The following UFD1 variants were observed in gnomAD, a reference collection of about 807,000 sequenced individuals.
UFD1 encodes the protein ubiquitin recognition factor in ER-associated degradation protein 1.
UFD1 carries 13 observed loss-of-function variants against 45.9 expected under a neutral mutation model. The ratio of observed to expected loss-of-function variants is 0.28; its 90% CI spans 0.18 to 0.45. The LOEUF (loss-of-function observed/expected upper bound fraction) is 0.45, where lower values mean the gene tolerates loss of function less well. Ranked by LOEUF, UFD1 falls within the 20% of genes least tolerant of loss-of-function variation. The pLI is 1.00. For synonymous variants in UFD1, 128 were observed against 139.2 expected, an observed-to-expected ratio of 0.92 and a Z score of 0.56; for missense variants, 218 against 389.2, an observed-to-expected ratio of 0.56 and a Z score of 3.70.
chr22:19,461,117 G>GT (rs2089763396), intron 6 of UFD1, among the ~76,000 whole-genome samples: 1 of 152,194 alleles, frequency 6.6e-6, no homozygotes, highest in Non-Finnish European at 1.5e-5. Flanking sequence ...GCGGAATGTA[G>GT]TATTTGTCTG....
intron 9 of UFD1, 127 bp from the exon 10 acceptor site, chr22:19,455,895 ACTC>A (rs201544065): frequency 0.021 from 15,985 of 756,340 alleles, 235 homozygotes; most frequent in Middle Eastern, 0.045. Flanking sequence ...TGAAGCCCTG[ACTC>A]CTCAACTGCT....
intron 2 of UFD1, 137 bp from the exon 3 acceptor site, chr22:19,475,237 A>G: frequency 9.1e-7 from 1 of 1,102,582 alleles, no homozygotes; most frequent in Non-Finnish European, 1.3e-6. Context: ...GTGATCTTTC[A>G]TGAAGAATCT....
intron 4 of UFD1, chr22:19,470,888 G>T (rs2089839821): frequency 6.6e-6 from 3 of 452,818 alleles, no homozygotes; most frequent in Middle Eastern, 6.5e-4. Flanking sequence ...AAGCACTCCT[G>T]AGAGTTTCCA....
At chr22:19,463,561 G>A (rs769395940) in intron 6 of UFD1, among the ~76,000 whole-genome samples, 25 of 152,172 alleles carry the variant, frequency 1.6e-4, no homozygotes, top group African/African-American at 5.3e-4. Flanking sequence ...TCCCAAAGAC[G>A]TAACTAAACT....
chr22:19,454,413 CT>C, intron 11 of UFD1: 1 of 756,986 alleles, frequency 1.3e-6, no homozygotes, highest in Non-Finnish European at 1.7e-6. Flanking sequence ...GAGGGCGGGT[CT>C]TTTCCGTGCT....
At chr22:19,477,929 C>T (rs964404431) in intron 1 of UFD1, among the ~76,000 whole-genome samples, 3 of 152,190 alleles carry the variant, frequency 2.0e-5, no homozygotes, top group Non-Finnish European at 2.9e-5. Context: ...TTCTTTTAAG[C>T]AGCATAACTG....
chr22:19,472,766 G>T (rs1259452362), intron 3 of UFD1, among the ~76,000 whole-genome samples: 1 of 152,204 alleles, frequency 6.6e-6, no homozygotes, highest in Non-Finnish European at 1.5e-5. Flanking sequence ...AGGCCCACAG[G>T]TTAAGTAACA....
chr22:19,458,711 G>C (rs1378209004), intron 6 of UFD1, among the ~76,000 whole-genome samples: 3 of 152,144 alleles, frequency 2.0e-5, no homozygotes, highest in Non-Finnish European at 4.4e-5. Context: ...ACAAAGAACT[G>C]GGATTACAGA....
intron 11 of UFD1, 129 bp downstream of exon 11, chr22:19,454,620 G>T: frequency 6.5e-7 from 1 of 1,545,340 alleles, no homozygotes; most frequent in Non-Finnish European, 8.8e-7. Context: ...CCAGTCTCGG[G>T]TACATCTTTA....
At chr22:19,465,118 G>T in intron 6 of UFD1, 84 bp downstream of exon 6, 1 of 1,309,274 alleles carries the variant, frequency 7.6e-7, no homozygotes, top group Non-Finnish European at 1.1e-6. Flanking sequence ...GGCATACGCT[G>T]CTTAAAAAGA....
chr22:19,471,559 C>A, intron 4 of UFD1, 128 bp downstream of exon 4: 1 of 1,379,162 alleles, frequency 7.3e-7, no homozygotes, highest in Non-Finnish European at 9.8e-7. Flanking sequence ...CTCGCTGGGT[C>A]GGCTCAGGCT....
At chr22:19,476,303 T>C (rs894249587) in intron 1 of UFD1, among the ~76,000 whole-genome samples, 1 of 152,102 alleles carries the variant, frequency 6.6e-6, no homozygotes, top group Non-Finnish European at 1.5e-5. Context: ...TTGCACCCCT[T>C]CCCCTGGGTT....
rs1183584844 is a variant in UFD1 at position 19,475,594 on chromosome 22, G to T, written c.12C>A (p.Phe4Leu). 2 of 1,614,058 alleles carry T rather than the reference G, an allele frequency of 1.2e-6. No individual in the cohort carries two copies. The highest frequency in any genetic ancestry group is 2.7e-5 in the African/African-American group (2 of 74,912). The change falls in exon 2 of 12, where the codon TTC becomes TTA. Residue 4 changes from phenylalanine (F) to leucine (L), a missense_variant. By Grantham distance (22) the Phe-to-Leu change is conservative. Transcript: ENST00000263202. MFS[F>L]NMFDHPIPRV... is the part of the protein sequence containing the mutation. ...TGGGAATAGGGTGGTCGAACATGTTGAAAGAGAACTAGAAGGAGGAAAGAG... is the reference window on the plus strand; with the variant it reads ...TGGGAATAGGGTGGTCGAACATGTTTAAAGAGAACTAGAAGGAGGAAAGAG...
At position 19,467,827 on chromosome 22, in the gene UFD1, A is replaced by G. The variant is rs1471877563; in HGVS notation, c.422+46T>C. ...TACATGATGTTTAACAACCGCCAGC[A>G]CACTCTCCTTTGTCTAGAAGAACTC... is the stretch of plus-strand genomic sequence containing the variant. On this transcript the variant is annotated intron_variant, in intron 5 of 11. Coordinates refer to ENST00000263202, the MANE Select transcript of UFD1 (RefSeq NM_005659.7). 16 of 1,609,598 alleles carry G rather than the reference A, an allele frequency of 9.9e-6. No homozygotes were observed. In the Admixed American group the frequency reaches 1.0e-4, roughly 10 times the overall value.
At chr22:19,452,011 ATG>A (rs1243032287) in intron 11 of UFD1, 2 of 879,592 alleles carry the variant, frequency 2.3e-6, no homozygotes, top group Non-Finnish European at 2.7e-6. Context: ...CTGAGAAAAG[ATG>A]CATGAGGATT....
intron 6 of UFD1, among the ~76,000 whole-genome samples, chr22:19,464,191 A>G (rs1416983996): frequency 6.6e-6 from 1 of 152,220 alleles, no homozygotes; most frequent in Non-Finnish European, 1.5e-5. Flanking sequence ...ACTGACACCA[A>G]GGGAGTAACT....
At chr22:19,472,177 T>C (rs1052404382) in intron 3 of UFD1, among the ~76,000 whole-genome samples, 4 of 152,146 alleles carry the variant, frequency 2.6e-5, no homozygotes, top group Admixed American at 6.5e-5. Flanking sequence ...CTGCAGGTGC[T>C]GTGGGAAGAG....
At chr22:19,471,297 A>T (rs574312066) in intron 4 of UFD1, 2 of 529,860 alleles carry the variant, frequency 3.8e-6, no homozygotes, top group African/African-American at 3.8e-5. Flanking sequence ...AACTGAAAAC[A>T]TGTATGCTGT....
chr22:19,451,642 C>T (rs1057457), intron 11 of UFD1: 459,793 of 985,214 alleles, frequency 0.47, 112,047 homozygotes, highest in Non-Finnish European at 0.5. Flanking sequence ...CACCTGGCTC[C>T]CCACTAACTG....
Sources: allele counts gnomAD v4.1 joint callset (sites outside exome capture counted in the v4.1 genomes callset), GRCh38; gene constraint gnomAD v4.1.1; transcripts MANE v1.5; gene names NCBI Gene and HGNC (gene_info 2026-07-23, HGNC 2026-07-21).